SLC4A10: variants seen among roughly 807,000 people sequenced by gnomAD.
SLC4A10 encodes the protein solute carrier family 4 member 10.
In SLC4A10, 42 loss-of-function variants were observed where a neutral mutation model predicts 137.7. The observed-to-expected ratio is 0.30, with a 90% CI of 0.24 to 0.39. SLC4A10 has a LOEUF of 0.39. Among genes scored for constraint, SLC4A10 ranks in the 10% least tolerant of loss-of-function variants. The pLI is 1.00. For missense variants in SLC4A10, 925 were observed against 1,355.0 expected, an observed-to-expected ratio of 0.68 and a Z score of 4.98; for synonymous variants, 474 against 464.1, an observed-to-expected ratio of 1.02 and a Z score of -0.27.
chr2:161,960,629 A>C (rs117090465), intron 21 of SLC4A10, among the ~76,000 whole-genome samples: 1 of 151,778 alleles, frequency 6.6e-6, no homozygotes, highest in South Asian at 2.1e-4. Flanking sequence ...TTGAGATAGA[A>C]GAATTACTTG....
At chr2:161,652,685 A>G (rs2036963071) in intron 1 of SLC4A10, among the ~76,000 whole-genome samples, 1 of 152,136 alleles carries the variant, frequency 6.6e-6, no homozygotes, top group Admixed American at 6.5e-5. Flanking sequence ...GTTGGGTAGC[A>G]GATGCCTAGA....
At chr2:161,723,104 C>T (rs2045864071) in intron 1 of SLC4A10, among the ~76,000 whole-genome samples, 1 of 152,180 alleles carries the variant, frequency 6.6e-6, no homozygotes, top group Non-Finnish European at 1.5e-5. Context: ...ACTCTCCAGC[C>T]TGCTGCCCGT....
At chr2:161,895,281 A>G (rs971020751) in intron 11 of SLC4A10, among the ~76,000 whole-genome samples, 3 of 152,002 alleles carry the variant, frequency 2.0e-5, no homozygotes, top group Admixed American at 6.6e-5. Context: ...CATGGTGTAT[A>G]TGTGCCCCAT....
At chr2:161,846,202 C>T (rs964312799) in intron 4 of SLC4A10, among the ~76,000 whole-genome samples, 6 of 151,866 alleles carry the variant, frequency 4.0e-5, no homozygotes, top group South Asian at 2.1e-4. Context: ...ATACATATGG[C>T]GAATAGCACA....
intron 7 of SLC4A10, among the ~76,000 whole-genome samples, chr2:161,873,192 CAT>C (rs914385913): frequency 9.9e-5 from 15 of 152,086 alleles, no homozygotes; most frequent in African/African-American, 3.6e-4. Context: ...TAAATAAAAA[CAT>C]ATTAAGAACT....
chr2:161,863,259 T>G (rs748631865), intron 6 of SLC4A10, among the ~76,000 whole-genome samples, 197 bp downstream of exon 6: 4 of 152,124 alleles, frequency 2.6e-5, no homozygotes, highest in Admixed American at 6.5e-5. Context: ...AACTTAAGTT[T>G]CCTGAAAGGT....
intron 1 of SLC4A10, among the ~76,000 whole-genome samples, chr2:161,630,880 C>A (rs982306733): frequency 6.6e-6 from 1 of 151,598 alleles, no homozygotes; most frequent in African/African-American, 2.4e-5. Flanking sequence ...AAGTGCTAAG[C>A]TAGGATTTGA....
At chr2:161,852,390 G>C (rs2059882660) in intron 4 of SLC4A10, among the ~76,000 whole-genome samples, 1 of 152,096 alleles carries the variant, frequency 6.6e-6, no homozygotes, top group Admixed American at 6.6e-5. Flanking sequence ...TATGTCAGTA[G>C]ATTATAATTT....
intron 1 of SLC4A10, among the ~76,000 whole-genome samples, chr2:161,682,774 C>T (rs2124835473): frequency 6.6e-6 from 1 of 152,152 alleles, no homozygotes; most frequent in African/African-American, 2.4e-5. Flanking sequence ...GAGAATCTCT[C>T]CCCCTCTGCC....
chr2:161,632,707 A>G (rs1558905013), intron 1 of SLC4A10, among the ~76,000 whole-genome samples: 1 of 151,544 alleles, frequency 6.6e-6, no homozygotes, highest in African/African-American at 2.4e-5. Context: ...TCCAGGCCTT[A>G]TTTAAGCCTA....
chr2:161,754,552 A>T (rs1429031024), intron 1 of SLC4A10, among the ~76,000 whole-genome samples: 4 of 152,162 alleles, frequency 2.6e-5, no homozygotes, highest in Non-Finnish European at 5.9e-5. Flanking sequence ...CATTTACTTG[A>T]TAGGACAGTG....
In SLC4A10 at chr2:161,839,735, G is replaced by A; in HGVS notation, c.278-54G>A. On this transcript the variant is annotated intron_variant, in intron 3 of 26. Transcript: ENST00000446997. ...GAAGGCAGTGACTGGGACATTTTAA[G>A]CTCAGGGTCGTGGTAATACATGTTC... The A allele has an allele frequency of 5.0e-6, 8 of 1,599,842 alleles. No individual in the cohort carries two copies. In the South Asian group the frequency reaches 6.7e-5, roughly 13 times the overall value.
intron 1 of SLC4A10, among the ~76,000 whole-genome samples, chr2:161,690,620 G>A (rs957077856): frequency 2.0e-5 from 3 of 152,070 alleles, no homozygotes; most frequent in Admixed American, 1.3e-4. Context: ...GCCATAAAAA[G>A]GAATGAGATC....
chr2:161,924,630 C>A (rs1283871606), intron 15 of SLC4A10, among the ~76,000 whole-genome samples: 1 of 152,012 alleles, frequency 6.6e-6, no homozygotes, highest in South Asian at 2.1e-4. Flanking sequence ...ATGTCATAAC[C>A]TAGAGATAGC....
intron 3 of SLC4A10, among the ~76,000 whole-genome samples, chr2:161,830,882 T>A (rs1056193269): frequency 6.6e-6 from 1 of 152,166 alleles, no homozygotes. Flanking sequence ...AGATGTAGGG[T>A]GCTATAAGTT....
At chr2:161,938,879 C>G (rs1426090684) in intron 15 of SLC4A10, among the ~76,000 whole-genome samples, 2 of 151,690 alleles carry the variant, frequency 1.3e-5, no homozygotes, top group Non-Finnish European at 2.9e-5. Flanking sequence ...AAAAAAAACC[C>G]CACAAATAGT....
intron 1 of SLC4A10, among the ~76,000 whole-genome samples, chr2:161,728,906 A>G (rs2046526950): frequency 6.6e-6 from 1 of 152,228 alleles, no homozygotes; most frequent in Non-Finnish European, 1.5e-5. Flanking sequence ...TCAATATTTG[A>G]AAACCAAGCA....
intron 3 of SLC4A10, among the ~76,000 whole-genome samples, chr2:161,821,700 T>A (rs988608424): frequency 3.9e-5 from 6 of 152,224 alleles, no homozygotes; most frequent in African/African-American, 1.4e-4. Context: ...TATGTAATAC[T>A]ATTTTAAGGT....
At chr2:161,708,618 A>C in intron 1 of SLC4A10, 1 of 1,386,432 alleles carries the variant, frequency 7.2e-7, no homozygotes, top group East Asian at 2.5e-5. Flanking sequence ...TAAATAGTAT[A>C]TGTGATTTGA....
Sources: gnomAD v4.1 joint callset for allele counts (sites outside exome capture counted in the v4.1 genomes callset) on GRCh38, gnomAD v4.1.1 for gene constraint, MANE v1.5 for transcripts, NCBI Gene and HGNC (gene_info 2026-07-23, HGNC 2026-07-21) for gene names.